Variants in PFKP observed in about 807,000 individuals in gnomAD.
PFKP encodes ATP-dependent 6-phosphofructokinase, platelet type.
PFKP carries 101 observed loss-of-function variants against 94.3 expected under a neutral mutation model. The observed-to-expected ratio is 1.07, with a 90% confidence interval of 0.91 to 1.26. The LOEUF (loss-of-function observed/expected upper bound fraction) is 1.26, where lower values mean the gene tolerates loss of function less well. PFKP is among the 50% of genes most tolerant of loss of function. PFKP has a pLI of 0.00. For missense variants in PFKP, 1,145 were observed against 1,103.3 expected (o/e 1.04, Z -0.53); for synonymous variants, 573 against 432.6 (o/e 1.32, Z -4.03).
intron 2 of PFKP, 90 bp downstream of exon 2, chr10:3,082,551 A>C (rs1833169407): frequency 5.8e-6 from 5 of 866,868 alleles, no homozygotes; most frequent in Non-Finnish European, 7.1e-6. Flanking sequence ...TGCCTCCCCC[A>C]TGCTGAGCAC....
intron 2 of PFKP, among the ~76,000 whole-genome samples, chr10:3,087,521 A>G (rs751943867): frequency 6.6e-6 from 1 of 152,226 alleles, no homozygotes; most frequent in African/African-American, 2.4e-5. Flanking sequence ...GATGTGGCCA[A>G]AATAAATCCT....
intron 2 of PFKP, among the ~76,000 whole-genome samples, chr10:3,091,323 G>A (rs965593162): frequency 1.5e-4 from 23 of 152,094 alleles, no homozygotes; most frequent in Non-Finnish European, 3.4e-4. Context: ...CATGCCCAGG[G>A]TAAACTACCC....
chr10:3,132,038 G>A (rs558077933), intron 17 of PFKP, among the ~76,000 whole-genome samples: 7 of 152,104 alleles, frequency 4.6e-5, no homozygotes, highest in Admixed American at 2.0e-4. Flanking sequence ...TGAGAGCACC[G>A]AGAACATCGT....
At chr10:3,090,776 C>T (rs1006121200) in intron 2 of PFKP, among the ~76,000 whole-genome samples, 7 of 152,098 alleles carry the variant, frequency 4.6e-5, no homozygotes, top group East Asian at 3.9e-4. Context: ...GAAAATCACT[C>T]TTTTGGGGGA....
intron 2 of PFKP, among the ~76,000 whole-genome samples, chr10:3,090,157 A>G (rs1177761184): frequency 6.6e-6 from 1 of 152,232 alleles, no homozygotes; most frequent in Non-Finnish European, 1.5e-5. Context: ...GTGCGTGGAT[A>G]AAATGTGGCG....
intron 7 of PFKP, among the ~76,000 whole-genome samples, chr10:3,106,015 G>T (rs1245129384): frequency 6.6e-6 from 1 of 152,218 alleles, no homozygotes; most frequent in Non-Finnish European, 1.5e-5. Flanking sequence ...TTCGGGTGCA[G>T]CTGCAGCTGC....
At chr10:3,111,078 A>G (rs1836183034) in intron 10 of PFKP, among the ~76,000 whole-genome samples, 2 of 151,198 alleles carry the variant, frequency 1.3e-5, no homozygotes, top group Admixed American at 6.6e-5. Flanking sequence ...GAGGTAATGC[A>G]TCTGCATGTG....
At chr10:3,116,753 T>G in intron 13 of PFKP, 23 bp from the exon 14 acceptor site, 4 of 1,598,894 alleles carry the variant, frequency 2.5e-6, no homozygotes, top group Non-Finnish European at 3.4e-6. Context: ...CTTTAGCTGT[T>G]TCGTTCTGTG....
At chr10:3,111,210 TTGTG>T (rs1027439692) in intron 10 of PFKP, among the ~76,000 whole-genome samples, 9 of 151,656 alleles carry the variant, frequency 5.9e-5, no homozygotes, top group South Asian at 2.1e-4. Context: ...GCCTGCATGT[TTGTG>T]TGTGTGTGCA....
At chr10:3,098,773 G>A (rs1394336989) in intron 2 of PFKP, among the ~76,000 whole-genome samples, 2 of 151,892 alleles carry the variant, frequency 1.3e-5, no homozygotes, top group Non-Finnish European at 2.9e-5. Flanking sequence ...TGTCATTAAT[G>A]GAGGGTAAGG....
In PFKP at chr10:3,109,601, GAGA is replaced by G. The variant is rs898121244; in HGVS notation, c.1089+124_1089+126del. 3.2e-6 allele frequency: 4 copies of G among 1,245,016 alleles called. No individual in the cohort carries two copies. In the African/African-American group the frequency reaches 5.9e-5, roughly 18 times the overall value. The allele number at this position is 1,245,016 out of a possible 1,614,324, so 77.1% of individuals were successfully genotyped here. On this transcript the variant is annotated intron_variant, in intron 10 of 21. Coordinates refer to ENST00000381125, the MANE Select transcript of PFKP (RefSeq NM_002627.5). ...GCACGATGCATTACACGGCCTTTCT[GAGA>G]AGGAGGTGAGCTGCCCGTGGGGAGG...
chr10:3,081,784 G>T (rs965324870), intron 1 of PFKP, among the ~76,000 whole-genome samples: 3 of 142,954 alleles, frequency 2.1e-5, no homozygotes, highest in Non-Finnish European at 3.1e-5. Flanking sequence ...AAATAGACAT[G>T]ATACATTGTA....
intron 17 of PFKP, among the ~76,000 whole-genome samples, chr10:3,131,883 G>T (rs1454701897): frequency 2.0e-5 from 3 of 152,118 alleles, no homozygotes; most frequent in Non-Finnish European, 4.4e-5. Flanking sequence ...AACATGATCT[G>T]AAATGGGGAT....
In PFKP at chr10:3,101,001, G is replaced by C. The variant is rs183486751; in HGVS notation, c.265-364G>C. The C allele has an allele frequency of 1.9e-5, 30 of 1,611,650 alleles. No homozygotes were observed. The East Asian group carries it at 6.7e-4, about 36-fold the overall frequency. ...TTGTCCTGGCCGGCATGCTCTGGTGGTCAGTGGGCTTGTCTTTGGTTCCAC... is the reference window on the plus strand; with the variant it reads ...TTGTCCTGGCCGGCATGCTCTGGTGCTCAGTGGGCTTGTCTTTGGTTCCAC... On this transcript the variant is annotated intron_variant, in intron 3 of 21. Coordinates refer to ENST00000381125, the MANE Select transcript of PFKP (RefSeq NM_002627.5).
rs1331358314 is a variant in PFKP at position 3,096,984 on chromosome 10, G to A, written c.187-2291G>A. Among the ~76,000 whole-genome samples, 55 of 117,562 alleles carry A rather than the reference G, an allele frequency of 4.7e-4. 16 individuals carry two copies. In the Middle Eastern group the frequency reaches 0.019, roughly 42 times the overall value. 77.1% of individuals were successfully genotyped at this position (117,562 alleles called of 152,430 possible). On this transcript the variant is annotated intron_variant, in intron 2 of 21. Coordinates refer to ENST00000381125, the MANE Select transcript of PFKP (RefSeq NM_002627.5). ...TCCCAGCTACTAAGGAGGCTGAGGT[G>A]GGAGAATGGCAGGAACCCGGGAGGC...
At chr10:3,082,305 G>A (rs894324391) in intron 1 of PFKP, 83 bp from the exon 2 acceptor site, 39 of 936,552 alleles carry the variant, frequency 4.2e-5, no homozygotes, top group Middle Eastern at 2.2e-4. Flanking sequence ...GTTAGGAAAC[G>A]GACCCATGGT....
At chr10:3,100,503 C>G (rs553011329) in intron 3 of PFKP, among the ~76,000 whole-genome samples, 1 of 152,082 alleles carries the variant, frequency 6.6e-6, no homozygotes, top group Admixed American at 6.5e-5. Context: ...GAGCTGTGTG[C>G]GTGCACCATT....
chr10:3,117,028 A>G (rs1460292880), intron 14 of PFKP, among the ~76,000 whole-genome samples, 182 bp downstream of exon 14: 1 of 152,144 alleles, frequency 6.6e-6, no homozygotes, highest in African/African-American at 2.4e-5. Context: ...GGAGCTGGGG[A>G]TGTGTCCCAG....
chr10:3,104,876 G>C (rs1452882685), intron 5 of PFKP: 3 of 583,740 alleles, frequency 5.1e-6, no homozygotes, highest in Non-Finnish European at 9.1e-6. Flanking sequence ...TGCAACTGGA[G>C]AGCGCAGAGG....
Sources: gnomAD v4.1 joint callset for allele counts (sites outside exome capture counted in the v4.1 genomes callset) on GRCh38, gnomAD v4.1.1 for gene constraint, MANE v1.5 for transcripts, NCBI Gene and HGNC (gene_info 2026-07-23, HGNC 2026-07-21) for gene names.